SERPINB6: variants seen among roughly 807,000 people sequenced by gnomAD.
SERPINB6 encodes serpin B6.
In SERPINB6, 16 loss-of-function variants were observed where a neutral mutation model predicts 26.1. The observed-to-expected ratio is 0.61, with a 90% CI of 0.42 to 0.93. The LOEUF is 0.93. SERPINB6 is among the 40% of genes least tolerant of loss of function. The probability of loss-of-function intolerance (pLI) is 0.00; values close to 1 mark genes in which losing one functional copy is unlikely to be tolerated. For missense variants in SERPINB6, 420 were observed against 478.0 expected, an observed-to-expected ratio of 0.88 and a Z score of 1.13; for synonymous variants, 174 against 176.6, an observed-to-expected ratio of 0.99 and a Z score of 0.11.
intron 1 of SERPINB6, chr6:2,960,635 G>A (rs1770997036): frequency 6.5e-6 from 1 of 152,748 alleles, no homozygotes; most frequent in Non-Finnish European, 1.5e-5. Context: ...TGGAGCAGAT[G>A]GGAGAGGGAA....
chr6:2,954,405 C>G (rs1459081336), intron 4 of SERPINB6, among the ~76,000 whole-genome samples, 187 bp downstream of exon 4: 1 of 152,132 alleles, frequency 6.6e-6, no homozygotes, highest in Non-Finnish European at 1.5e-5. Context: ...TCAGAGAGAA[C>G]AGAACACATT....
At position 2,948,281 on chromosome 6, in the gene SERPINB6, C is replaced by A. The variant is rs1391375821; in HGVS notation, c.*17G>T. On this transcript the variant is annotated 3_prime_UTR_variant, in exon 7 of 7. Coordinates refer to ENST00000380539, the MANE Select transcript of SERPINB6 (RefSeq NM_004568.6). This position sits in a 1 kb window ranked among gnomAD's most constrained non-coding sequence, Gnocchi z 5.0. ...GGACAGAGAGGAGAGGGGCTGCACA[C>A]CAAGACTGCCCTGTCCTCACGGAGA... is the stretch of plus-strand genomic sequence containing the variant. 6.2e-7 allele frequency: 1 copy of A among 1,612,764 alleles called. No homozygotes were observed. The highest frequency in any genetic ancestry group is 8.5e-7 in the Non-Finnish European group (1 of 1,179,928).
intron 4 of SERPINB6, among the ~76,000 whole-genome samples, chr6:2,954,117 C>CA (rs540686090): frequency 0.074 from 4,984 of 67,538 alleles, 107 homozygotes; most frequent in Middle Eastern, 0.15. Flanking sequence ...GACCTTGTCT[C>CA]AAAAAAAAAA....
At chr6:2,950,047 C>A (rs1180512961) in intron 5 of SERPINB6, among the ~76,000 whole-genome samples, 1 of 152,180 alleles carries the variant, frequency 6.6e-6, no homozygotes, top group Non-Finnish European at 1.5e-5. Flanking sequence ...TACACTCCCA[C>A]CCCAAACACA....
chr6:2,968,136 CAT>C (rs1771803054), intron 1 of SERPINB6: 1 of 152,206 alleles, frequency 6.6e-6, no homozygotes, highest in Non-Finnish European at 1.5e-5. Flanking sequence ...AGAATGAGAT[CAT>C]GTGTTTTGCA....
At chr6:2,968,760 T>G in intron 1 of SERPINB6, 1 of 1,231,730 alleles carries the variant, frequency 8.1e-7, no homozygotes, top group Non-Finnish European at 1.0e-6. Context: ...ACACAAACAA[T>G]GCTGGAAGTT....
intron 1 of SERPINB6, chr6:2,961,183 A>G (rs1771069155): frequency 6.6e-6 from 1 of 152,110 alleles, no homozygotes; most frequent in Non-Finnish European, 1.5e-5. Context: ...TAACTCATAC[A>G]CCTGATAAAG....
At chr6:2,964,876 G>A (rs1012287099) in intron 1 of SERPINB6, among the ~76,000 whole-genome samples, 2 of 152,086 alleles carry the variant, frequency 1.3e-5, no homozygotes, top group Non-Finnish European at 2.9e-5. Context: ...TCACGCTGTC[G>A]CCCAGGCTGG....
chr6:2,959,272 T>TA lies in SERPINB6; in HGVS notation c.60dup (p.Lys21Ter). Reference sequence around the variant, plus strand: ...AAAAACACATTCTTCGAGTTGTCTTTACCCAGCGTTTTCAAAAGGTTTAAG... The same window carrying TA: ...AAAAACACATTCTTCGAGTTGTCTTTAACCCAGCGTTTTCAAAAGGTTTAAG... On this transcript the variant is annotated frameshift_variant, in exon 2 of 7. Transcript: ENST00000380539. LOFTEE classifies it high-confidence loss of function. 1 of 1,614,192 alleles carries TA rather than the reference T, an allele frequency of 6.2e-7. No individual in the cohort carries two copies. Among genetic ancestry groups the TA allele is most frequent in the Non-Finnish European group, 8.5e-7 (1 of 1,180,038 alleles).
At chr6:2,963,822 T>C (rs55803839) in intron 1 of SERPINB6, 23,892 of 152,224 alleles carry the variant, frequency 0.16, 2,338 homozygotes, top group African/African-American at 0.27. Flanking sequence ...TCCTGACCTC[T>C]TGCCTTGTTG....
At position 2,954,702 on chromosome 6, in the gene SERPINB6, C is replaced by T. The variant is rs1347898840; in HGVS notation, c.320G>A (p.Arg107Lys). The T allele has an allele frequency of 1.9e-6, 3 of 1,612,214 alleles. No individual in the cohort carries two copies. Among genetic ancestry groups the T allele is most frequent in the Non-Finnish European group, 2.5e-6 (3 of 1,178,558 alleles). The change falls in exon 4 of 7, where the codon AGA (arginine) becomes AAA (lysine). Residue 107 changes from arginine (R) to lysine (K), a missense_variant. Arg to Lys is a conservative substitution (Grantham distance 26). Transcript: ENST00000380539. ...TTGGTAGAATTTTTGGCAGGAATCTCTAAAAGACTAGGATAGACAGAGTGA... is the reference window on the plus strand; with the variant it reads ...TTGGTAGAATTTTTGGCAGGAATCTTTAAAAGACTAGGATAGACAGAGTGA... Reference protein sequence around the residue: ...EKSCDFLSSFRDSCQKFYQAE... With the variant: ...EKSCDFLSSFKDSCQKFYQAE...
chr6:2,951,394 A>T (rs28559618), intron 5 of SERPINB6, among the ~76,000 whole-genome samples: 36,969 of 134,390 alleles, frequency 0.28, 4,782 homozygotes, highest in South Asian at 0.34. Flanking sequence ...CTTGGAAAAA[A>T]TAAAAAATAA....
chr6:2,968,849 C>T (rs1771870200), intron 1 of SERPINB6: 1 of 1,231,264 alleles, frequency 8.1e-7, no homozygotes, highest in Non-Finnish European at 1.0e-6. Flanking sequence ...CTCAAGGGAT[C>T]AGCAGCTTTT....
In SERPINB6 at chr6:2,948,825, C is replaced by T. The variant is rs565291184; in HGVS notation, c.729+89G>A. The T allele has an allele frequency of 4.1e-5, 65 of 1,590,434 alleles. No homozygotes were observed. The highest frequency in any genetic ancestry group is 1.5e-4 in the South Asian group (14 of 90,336). On this transcript the variant is annotated intron_variant, in intron 6 of 6. Coordinates refer to ENST00000380539, the MANE Select transcript of SERPINB6 (RefSeq NM_004568.6). The surrounding 1 kb of genome is among the most constrained non-coding windows in gnomAD (Gnocchi z 5.0). Reference sequence around the variant, plus strand: ...TGGTCAGCAGCGCTCCAGTGTTAAACGGCTGACCGCAAAGTAGGGACAGCA... The same window carrying T: ...TGGTCAGCAGCGCTCCAGTGTTAAATGGCTGACCGCAAAGTAGGGACAGCA...
intron 2 of SERPINB6, chr6:2,957,563 A>G (rs1227792714): frequency 6.6e-6 from 1 of 152,270 alleles, no homozygotes; most frequent in Non-Finnish European, 1.5e-5. Flanking sequence ...AGGCTCTCCC[A>G]TGGCACCCTG....
intron 1 of SERPINB6, chr6:2,970,793 C>T (rs1361925257): frequency 2.4e-6 from 3 of 1,229,034 alleles, no homozygotes; most frequent in Non-Finnish European, 3.0e-6. Context: ...TTCCTCTTTG[C>T]CTTGAAGACA....
chr6:2,959,433 TG>T (rs1263773085), intron 1 of SERPINB6, 91 bp from the exon 2 acceptor site: 3 of 1,303,028 alleles, frequency 2.3e-6, no homozygotes, highest in Non-Finnish European at 3.3e-6. Context: ...GCCGATGCTG[TG>T]GTTCAGTGGG....
chr6:2,948,821 T>TAA lies in SERPINB6; in HGVS notation c.729+91_729+92dup, dbSNP rs774749929. On this transcript the variant is annotated intron_variant, in intron 6 of 6. Transcript: ENST00000380539. This position sits in a 1 kb window ranked among gnomAD's most constrained non-coding sequence, Gnocchi z 5.0. ...GCTATGGTCAGCAGCGCTCCAGTGT[T>TAA]AAACGGCTGACCGCAAAGTAGGGAC... 63 of 1,587,056 alleles carry TAA rather than the reference T, an allele frequency of 4.0e-5. No individual in the cohort carries two copies. Among genetic ancestry groups the TAA allele is most frequent in the Non-Finnish European group, 5.4e-5 (62 of 1,157,768 alleles).
rs1459162592 is a variant in SERPINB6 at position 2,969,576 on chromosome 6, C to T, written c.-11+1957G>A. 3.0e-6 allele frequency: 3 copies of T among 985,160 alleles called. No individual in the cohort carries two copies. The African/African-American group carries it at 5.2e-5, about 17-fold the overall frequency. 61.0% of individuals were successfully genotyped at this position (985,160 alleles called of 1,614,324 possible). On this transcript the variant is annotated intron_variant, in intron 1 of 6. Transcript: ENST00000380539. ...TTTTTTCCTGTAGCATCACCAGTAACTGAGCAATGTTCACAATTGATTTTA... is the reference window on the plus strand; with the variant it reads ...TTTTTTCCTGTAGCATCACCAGTAATTGAGCAATGTTCACAATTGATTTTA...
Sources: allele counts gnomAD v4.1 joint callset (sites outside exome capture counted in the v4.1 genomes callset), GRCh38; gene constraint gnomAD v4.1.1; non-coding constraint Gnocchi (gnomAD v3.1); transcripts MANE v1.5; gene names NCBI Gene and HGNC (gene_info 2026-07-23, HGNC 2026-07-21).